Variants in SOX12 observed in about 807,000 individuals in gnomAD.
SOX12 encodes the protein transcription factor SOX-12.
SOX12 carries 8 observed loss-of-function variants against 21.5 expected under a neutral mutation model. That is an observed-to-expected ratio of 0.37 (90% CI 0.22 to 0.67). SOX12 has a LOEUF of 0.67. Ranked by LOEUF, SOX12 falls within the 30% of genes least tolerant of loss-of-function variation. The pLI, the probability that SOX12 is intolerant of heterozygous loss-of-function variation, is 0.56. For missense variants in SOX12, 400 were observed against 482.6 expected (o/e 0.83, Z 1.60); for synonymous variants, 235 against 224.2 (o/e 1.05, Z -0.43).
chr20:326,557 GGCCGCCGCC>G lies in SOX12; in HGVS notation c.643_651del (p.Ala215_Ala217del), dbSNP rs374987024. On this transcript the variant is annotated inframe_deletion, in exon 1 of 1. Coordinates refer to ENST00000342665, the MANE Select transcript of SOX12 (RefSeq NM_006943.4). The surrounding 1 kb of genome is among the most constrained non-coding windows in gnomAD (Gnocchi z 9.9). ...CCCAAGGGCCGTCGGGCGAGGGGGC[GGCCGCCGCC>G]GCCGCCGCCTCCCCGACACCGTCGG... is the stretch of plus-strand genomic sequence containing the variant. The G allele has an allele frequency of 1.6e-5, 25 of 1,515,698 alleles. No homozygotes were observed. The highest frequency in any genetic ancestry group is 2.1e-5 in the Non-Finnish European group (24 of 1,138,022). 93.9% of individuals were successfully genotyped at this position (1,515,698 alleles called of 1,614,324 possible). A position where few individuals can be genotyped will look rare whatever the true frequency, so the allele number is the denominator to read the frequency against.
chr20:328,894 C>G lies in SOX12; in HGVS notation c.*2022C>G, dbSNP rs1039489057. ...ACTCCCTGGCCTTCATGAAGAATAG[C>G]AAACTCATCCCTGTAGGGACCAGGC... On this transcript the variant is annotated 3_prime_UTR_variant, in exon 1 of 1. Coordinates refer to ENST00000342665, the MANE Select transcript of SOX12 (RefSeq NM_006943.4). The G allele has an allele frequency of 4.8e-5, 8 of 167,076 alleles. No individual in the cohort carries two copies. Among genetic ancestry groups the G allele is most frequent in the Non-Finnish European group, 1.0e-4 (7 of 68,150 alleles). 10.3% of individuals were successfully genotyped at this position (167,076 alleles called of 1,614,324 possible).
At position 327,858 on chromosome 20, in the gene SOX12, C is replaced by G. The variant is rs2013129550; in HGVS notation, c.*986C>G. The stretch of plus-strand genomic sequence containing the variant: ...CCCTGCTGCACCTTCCCCACCCCCT[C>G]CTGGGAAGTGCCCCCTCACCTCAGG... On this transcript the variant is annotated 3_prime_UTR_variant, in exon 1 of 1. Coordinates refer to ENST00000342665, the MANE Select transcript of SOX12 (RefSeq NM_006943.4). 6.0e-6 allele frequency: 1 copy of G among 167,278 alleles called. No individual in the cohort carries two copies. The highest frequency in any genetic ancestry group is 2.4e-5 in the African/African-American group (1 of 41,470). 10.4% of individuals were successfully genotyped at this position (167,278 alleles called of 1,614,324 possible).
In SOX12 at chr20:327,119, A is replaced by G; in HGVS notation, c.*247A>G. 4.0e-6 allele frequency: 2 copies of G among 496,656 alleles called. No individual in the cohort carries two copies. The highest frequency in any genetic ancestry group is 7.3e-6 in the Non-Finnish European group (2 of 273,740). 30.8% of individuals were successfully genotyped at this position (496,656 alleles called of 1,614,324 possible). A position where few individuals can be genotyped will look rare whatever the true frequency, so the allele number is the denominator to read the frequency against. ...CCACGTCGCCCCCTCCTGCACAGCC[A>G]CCAGCAGCCAGCCCCCTCCGATACA... On this transcript the variant is annotated 3_prime_UTR_variant, in exon 1 of 1. Coordinates refer to ENST00000342665, the MANE Select transcript of SOX12 (RefSeq NM_006943.4).
Position 327,238 on chromosome 20 carries a change from A to C in SOX12, c.*366A>C. ...GACCCGCCCCCTCCTTTGCTCCGGAATCTCTCCTCCCTCGCCCGGCCCGCC... is the reference window on the plus strand; with the variant it reads ...GACCCGCCCCCTCCTTTGCTCCGGACTCTCTCCTCCCTCGCCCGGCCCGCC... On this transcript the variant is annotated 3_prime_UTR_variant, in exon 1 of 1. Coordinates refer to ENST00000342665, the MANE Select transcript of SOX12 (RefSeq NM_006943.4). 8.3e-6 allele frequency: 2 copies of C among 241,630 alleles called. No homozygotes were observed. The highest frequency in any genetic ancestry group is 1.6e-4 in the East Asian group (1 of 6,342). The allele number at this position is 241,630 out of a possible 1,614,324, so 15.0% of individuals were successfully genotyped here. A position where few individuals can be genotyped will look rare whatever the true frequency, so the allele number is the denominator to read the frequency against.
At position 326,878 on chromosome 20, in the gene SOX12, C is replaced by A. The variant is rs761041389; in HGVS notation, c.*6C>A. 1.2e-6 allele frequency: 2 copies of A among 1,613,050 alleles called. No individual in the cohort carries two copies. Among genetic ancestry groups the A allele is most frequent in the Non-Finnish European group, 1.7e-6 (2 of 1,179,726 alleles). ...ACCTGGTTTTCACCTACTGAGCCCA[C>A]CGTCAGCGGGGCGCGCACGCCCCCA... On this transcript the variant is annotated 3_prime_UTR_variant, in exon 1 of 1. Transcript: ENST00000342665. The surrounding 1 kb of genome is among the most constrained non-coding windows in gnomAD (Gnocchi z 9.9).
Position 328,588 on chromosome 20 carries a change from G to T in SOX12, c.*1716G>T. 6.2e-6 allele frequency: 1 copy of T among 161,618 alleles called. No homozygotes were observed. The allele number at this position is 161,618 out of a possible 1,614,324, so 10.0% of individuals were successfully genotyped here. The stretch of plus-strand genomic sequence containing the variant: ...GACAATGAAAAAAAAAACGTCATGT[G>T]AGTGAAGAGATGTCACTGTCTGTGG... On this transcript the variant is annotated 3_prime_UTR_variant, in exon 1 of 1. Coordinates refer to ENST00000342665, the MANE Select transcript of SOX12 (RefSeq NM_006943.4).
rs2013166434 is a variant in SOX12, at chr20:330,037, TA to T, written c.*3166del. ...TATCTGGTGTCTGAGTGAGGCATGG[TA>T]TAAACACCTGGTCATTTCAATCCAA... On this transcript the variant is annotated 3_prime_UTR_variant, in exon 1 of 1. Coordinates refer to ENST00000342665, the MANE Select transcript of SOX12 (RefSeq NM_006943.4). 2 of 167,044 alleles carry T rather than the reference TA, an allele frequency of 1.2e-5. No homozygotes were observed. Among genetic ancestry groups the T allele is most frequent in the African/African-American group, 4.8e-5 (2 of 41,410 alleles). 10.3% of individuals were successfully genotyped at this position (167,044 alleles called of 1,614,324 possible). A position where few individuals can be genotyped will look rare whatever the true frequency, so the allele number is the denominator to read the frequency against.
chr20:326,359 C>G lies in SOX12; in HGVS notation c.435C>G (p.Arg145=). ...RLKPGPQLPG[R]GGRRAAGGPL... is the part of the protein sequence containing the mutation. ...AGCCCGGGCCGCAGCTGCCTGGCCG[C>G]GGGGGCCGCCGAGCAGCGGGAGGGC... Residue 145 remains arginine, a synonymous_variant, in exon 1 of 1, where the codon CGC becomes CGG. Transcript: ENST00000342665. This position sits in a 1 kb window ranked among gnomAD's most constrained non-coding sequence, Gnocchi z 9.9. 1 of 1,295,388 alleles carries G rather than the reference C, an allele frequency of 7.7e-7. No individual in the cohort carries two copies. 80.2% of individuals were successfully genotyped at this position (1,295,388 alleles called of 1,614,324 possible).
chr20:326,867 T>A lies in SOX12; in HGVS notation c.943T>A (p.Tyr315Asn), dbSNP rs201221995. Residue 315 changes from tyrosine to asparagine, a missense_variant, in exon 1 of 1, where the codon TAC becomes AAC. Tyr to Asn is a moderately radical substitution (Grantham distance 143). Around this residue, in one of 4 missense-constraint regions of SOX12, gnomAD observed 17 missense variants for 49.7 expected, o/e 0.34. Coordinates refer to ENST00000342665, the MANE Select transcript of SOX12 (RefSeq NM_006943.4). The surrounding 1 kb of genome is among the most constrained non-coding windows in gnomAD (Gnocchi z 9.9). ...TAGCATCGCAGACCTGGTTTTCACC[T>A]ACTGAGCCCACCGTCAGCGGGGCGC... ...PSSIADLVFTY is the reference protein window; with the variant it reads ...PSSIADLVFTN 1 of 1,613,224 alleles carries A rather than the reference T, an allele frequency of 6.2e-7. No individual in the cohort carries two copies. Among genetic ancestry groups the A allele is most frequent in the African/African-American group, 1.3e-5 (1 of 75,002 alleles).
rs916714328 is a variant in SOX12, at chr20:326,336, C to T, written c.412C>T (p.Pro138Ser). ...TAGCGGTGGCGGCAGCCGGCTCAAG[C>T]CCGGGCCGCAGCTGCCTGGCCGCGG... ...GGSGGGSRLKPGPQLPGRGGR... is the reference protein window; with the variant it reads ...GGSGGGSRLKSGPQLPGRGGR... The change falls in exon 1 of 1, where the codon CCC becomes TCC. Residue 138 changes from proline to serine, a missense_variant. This residue lies in a region of SOX12 where 235 missense variants were observed against 219.3 expected (regional missense o/e 1.07). Coordinates refer to ENST00000342665, the MANE Select transcript of SOX12 (RefSeq NM_006943.4). The surrounding 1 kb of genome is among the most constrained non-coding windows in gnomAD (Gnocchi z 9.9). 11 of 1,322,324 alleles carry T rather than the reference C, an allele frequency of 8.3e-6. No individual in the cohort carries two copies. The highest frequency in any genetic ancestry group is 1.1e-5 in the Non-Finnish European group (11 of 1,037,106). 81.9% of individuals were successfully genotyped at this position (1,322,324 alleles called of 1,614,324 possible). A position where few individuals can be genotyped will look rare whatever the true frequency, so the allele number is the denominator to read the frequency against.
In SOX12 at chr20:326,769, C is replaced by T. The variant is rs1230324812; in HGVS notation, c.845C>T (p.Thr282Met). 3 of 1,613,438 alleles carry T rather than the reference C, an allele frequency of 1.9e-6. No individual in the cohort carries two copies. The highest frequency in any genetic ancestry group is 1.1e-5 in the South Asian group (1 of 91,058). Residue 282 changes from threonine (T) to methionine (M), a missense_variant, in exon 1 of 1, where the codon ACG becomes ATG. Physicochemically the swap from Thr to Met is moderately conservative, Grantham distance 81. Coordinates refer to ENST00000342665, the MANE Select transcript of SOX12 (RefSeq NM_006943.4). This position sits in a 1 kb window ranked among gnomAD's most constrained non-coding sequence, Gnocchi z 9.9. ...CCGGACCTGCAGCCTCCCTCGGGCA[C>T]GTCGCACTTCGAGTTCCCGGACTAC... ...RDPDLQPPSG[T>M]SHFEFPDYCT... is the part of the protein sequence containing the mutation.
rs1300214922 is a variant in SOX12, at chr20:329,271, A to G, written c.*2399A>G. 1 of 167,150 alleles carries G rather than the reference A, an allele frequency of 6.0e-6. No homozygotes were observed. The highest frequency in any genetic ancestry group is 2.4e-5 in the African/African-American group (1 of 41,450). The allele number at this position is 167,150 out of a possible 1,614,324, so 10.4% of individuals were successfully genotyped here. A position where few individuals can be genotyped will look rare whatever the true frequency, so the allele number is the denominator to read the frequency against. The stretch of plus-strand genomic sequence containing the variant: ...ACTGAGCACCCGTGTGACTCTTTCC[A>G]TATGTATAACGTGGGGATAATAATA... On this transcript the variant is annotated 3_prime_UTR_variant, in exon 1 of 1. Coordinates refer to ENST00000342665, the MANE Select transcript of SOX12 (RefSeq NM_006943.4).
Position 327,923 on chromosome 20 carries a change from T to A in SOX12, c.*1051T>A, listed in dbSNP as rs1383139569. 1 of 167,248 alleles carries A rather than the reference T, an allele frequency of 6.0e-6. No individual in the cohort carries two copies. The highest frequency in any genetic ancestry group is 1.5e-5 in the Non-Finnish European group (1 of 68,246). The allele number at this position is 167,248 out of a possible 1,614,324, so 10.4% of individuals were successfully genotyped here. ...GGCTCCTCCCTGAGCGCACCGGCCCTTCCTGTCACCCAGGTCCACCCTCAG... is the reference window on the plus strand; with the variant it reads ...GGCTCCTCCCTGAGCGCACCGGCCCATCCTGTCACCCAGGTCCACCCTCAG... On this transcript the variant is annotated 3_prime_UTR_variant, in exon 1 of 1. Transcript: ENST00000342665.
rs1254853855 is a variant in SOX12 at position 327,348 on chromosome 20, C to T, written c.*476C>T. The T allele has an allele frequency of 2.6e-5, 5 of 189,686 alleles. No individual in the cohort carries two copies. The East Asian group carries it at 9.2e-4, about 35-fold the overall frequency. The allele number at this position is 189,686 out of a possible 1,614,324, so 11.8% of individuals were successfully genotyped here. A position where few individuals can be genotyped will look rare whatever the true frequency, so the allele number is the denominator to read the frequency against. On this transcript the variant is annotated 3_prime_UTR_variant, in exon 1 of 1. Transcript: ENST00000342665. ...CCCTTCCCTGGGGGGAGGGGCGCAC[C>T]CCTTTTATCCCCGGAGCGCTAGGGC...
chr20:326,274 G>C lies in SOX12; in HGVS notation c.350G>C (p.Gly117Ala), dbSNP rs556205020. 1.3e-5 allele frequency: 19 copies of C among 1,485,138 alleles called. No individual in the cohort carries two copies. The highest frequency in any genetic ancestry group is 1.7e-5 in the Non-Finnish European group (19 of 1,115,340). The allele number at this position is 1,485,138 out of a possible 1,614,324, so 92.0% of individuals were successfully genotyped here. The change falls in exon 1 of 1, where the codon GGG (glycine) becomes GCG (alanine). Residue 117 changes from glycine (G) to alanine (A), a missense_variant. This residue lies in a region of SOX12 where 92 missense variants were observed against 162.0 expected (regional missense o/e 0.57). Coordinates refer to ENST00000342665, the MANE Select transcript of SOX12 (RefSeq NM_006943.4). This position sits in a 1 kb window ranked among gnomAD's most constrained non-coding sequence, Gnocchi z 9.9. ...YKYRPRKKSK[G>A]APAKARPRPP... ...TACCGGCCGCGCAAAAAGAGCAAGGGGGCGCCCGCCAAGGCGCGGCCCCGC... is the reference window on the plus strand; with the variant it reads ...TACCGGCCGCGCAAAAAGAGCAAGGCGGCGCCCGCCAAGGCGCGGCCCCGC...
rs775054587 is a variant in SOX12 at position 326,677 on chromosome 20, G to T, written c.753G>T (p.Ser251=). ...EEETVASGEE[S]LGFLSRLPPG... ...AGACGGTGGCGTCGGGGGAGGAGTCGCTGGGCTTTCTGTCCAGGCTGCCCC... is the reference window on the plus strand; with the variant it reads ...AGACGGTGGCGTCGGGGGAGGAGTCTCTGGGCTTTCTGTCCAGGCTGCCCC... The change falls in exon 1 of 1, where the codon TCG becomes TCT. Residue 251 remains serine, a synonymous_variant. Transcript: ENST00000342665. The surrounding 1 kb of genome is among the most constrained non-coding windows in gnomAD (Gnocchi z 9.9). The T allele has an allele frequency of 7.7e-6, 12 of 1,563,964 alleles. No individual in the cohort carries two copies. The highest frequency in any genetic ancestry group is 1.7e-4 in the Middle Eastern group (1 of 5,938).
At position 327,133 on chromosome 20, in the gene SOX12, C is replaced by T; in HGVS notation, c.*261C>T. Reference sequence around the variant, plus strand: ...CCTGCACAGCCACCAGCAGCCAGCCCCCTCCGATACACCTCCCGTCCTCTC... The same window carrying T: ...CCTGCACAGCCACCAGCAGCCAGCCTCCTCCGATACACCTCCCGTCCTCTC... On this transcript the variant is annotated 3_prime_UTR_variant, in exon 1 of 1. Coordinates refer to ENST00000342665, the MANE Select transcript of SOX12 (RefSeq NM_006943.4). 1 of 558,040 alleles carries T rather than the reference C, an allele frequency of 1.8e-6. No individual in the cohort carries two copies. The highest frequency in any genetic ancestry group is 3.3e-6 in the Non-Finnish European group (1 of 301,488). 34.6% of individuals were successfully genotyped at this position (558,040 alleles called of 1,614,324 possible).
chr20:326,760 C>T lies in SOX12; in HGVS notation c.836C>T (p.Pro279Leu), dbSNP rs751377586. The T allele has an allele frequency of 5.6e-6, 9 of 1,613,206 alleles. No individual in the cohort carries two copies. The East Asian group carries it at 6.7e-5, about 12-fold the overall frequency. ...ALDRDPDLQP[P>L]SGTSHFEFPD... ...GATCGCGACCCGGACCTGCAGCCTC[C>T]CTCGGGCACGTCGCACTTCGAGTTC... The change falls in exon 1 of 1, where the codon CCC (proline) becomes CTC (leucine). Residue 279 changes from proline to leucine, a missense_variant. Pro to Leu is a moderately conservative substitution (Grantham distance 98). Around this residue, in one of 4 missense-constraint regions of SOX12, gnomAD observed 235 missense variants for 219.3 expected, o/e 1.07. Coordinates refer to ENST00000342665, the MANE Select transcript of SOX12 (RefSeq NM_006943.4). The surrounding 1 kb of genome is among the most constrained non-coding windows in gnomAD (Gnocchi z 9.9).
At position 326,962 on chromosome 20, in the gene SOX12, A is replaced by T. The variant is rs901220376; in HGVS notation, c.*90A>T. On this transcript the variant is annotated 3_prime_UTR_variant, in exon 1 of 1. Coordinates refer to ENST00000342665, the MANE Select transcript of SOX12 (RefSeq NM_006943.4). This position sits in a 1 kb window ranked among gnomAD's most constrained non-coding sequence, Gnocchi z 9.9. ...GGGCCCCTCGGAGGCCGAGGCTGGC[A>T]CCCCATCTCCCGCGCAGCCTGCCCC... 1 of 1,253,838 alleles carries T rather than the reference A, an allele frequency of 8.0e-7. No individual in the cohort carries two copies. 77.7% of individuals were successfully genotyped at this position (1,253,838 alleles called of 1,614,324 possible).
Sources: gnomAD v4.1 joint callset for allele counts on GRCh38, gnomAD v4.1.1 for gene constraint, gnomAD v4.1.1 regional missense constraint, Gnocchi (gnomAD v3.1) non-coding constraint, MANE v1.5 for transcripts, NCBI Gene and HGNC (gene_info 2026-07-23, HGNC 2026-07-21) for gene names.